The following CECR2 variants were observed in gnomAD, a reference collection of about 807,000 sequenced individuals.
CECR2 encodes CECR2 histone acetyl-lysine reader.
Under a neutral mutation model 154.5 loss-of-function variants are expected in CECR2, and 30 were observed. The observed-to-expected ratio is 0.19, with a 90% CI of 0.15 to 0.26. The LOEUF is 0.26. Among genes scored for constraint, CECR2 ranks in the 10% least tolerant of loss-of-function variants. The pLI is 1.00. For missense variants in CECR2, 1,743 were observed against 1,829.3 expected, an observed-to-expected ratio of 0.95 and a Z score of 0.86; for synonymous variants, 725 against 683.7, an observed-to-expected ratio of 1.06 and a Z score of -0.94.
At chr22:17,502,405 A>G (rs2055755222) in intron 5 of CECR2, among the ~76,000 whole-genome samples, 1 of 152,216 alleles carries the variant, frequency 6.6e-6, no homozygotes, top group Non-Finnish European at 1.5e-5. Flanking sequence ...GCATTTAATT[A>G]TTAACAGTTG....
intron 15 of CECR2, 64 bp from the exon 16 acceptor site, chr22:17,542,093 A>C (rs1397256079): frequency 4.4e-6 from 7 of 1,575,322 alleles, no homozygotes; most frequent in Non-Finnish European, 6.0e-6. Context: ...CCCATAGAGA[A>C]GCATGGCACA....
At chr22:17,384,808 TCTC>T (rs1436841199) in intron 1 of CECR2, among the ~76,000 whole-genome samples, 1 of 152,140 alleles carries the variant, frequency 6.6e-6, no homozygotes, top group Non-Finnish European at 1.5e-5. Context: ...GGCATTGACT[TCTC>T]CTCTCTAGCT....
chr22:17,417,741 C>T (rs2054177141), intron 1 of CECR2, among the ~76,000 whole-genome samples: 1 of 152,070 alleles, frequency 6.6e-6, no homozygotes, highest in South Asian at 2.1e-4. Context: ...GCCTCAGCCT[C>T]CCTAGTAGCT....
At chr22:17,509,261 G>A (rs938412189) in intron 7 of CECR2, among the ~76,000 whole-genome samples, 3 of 152,014 alleles carry the variant, frequency 2.0e-5, no homozygotes, top group Non-Finnish European at 4.4e-5. Context: ...AAAAGAAAAT[G>A]CAGTGTGTAA....
At chr22:17,398,146 A>C (rs1417286095) in intron 1 of CECR2, among the ~76,000 whole-genome samples, 1 of 151,616 alleles carries the variant, frequency 6.6e-6, no homozygotes. Flanking sequence ...TACATTGATT[A>C]TATTTATGAA....
chr22:17,422,053 G>A (rs2054263310), intron 1 of CECR2, among the ~76,000 whole-genome samples: 1 of 151,884 alleles, frequency 6.6e-6, no homozygotes, highest in African/African-American at 2.4e-5. Context: ...TGGTTTCTGA[G>A]AAGTCAGATA....
In CECR2 at chr22:17,553,809, C is replaced by T. The variant is rs2056744237; in HGVS notation, c.*969C>T. ...GTATTAGAAGATGAATCGTCCTCAT[C>T]ACAGACCTCCCTGTCAGGACTGTGA... On this transcript the variant is annotated 3_prime_UTR_variant, in exon 19 of 19. Transcript: ENST00000262608. 6.6e-6 allele frequency: 1 copy of T among 152,224 alleles called. No homozygotes were observed. The highest frequency in any genetic ancestry group is 1.5e-5 in the Non-Finnish European group (1 of 68,050). The allele number at this position is 152,224 out of a possible 1,614,324, so 9.4% of individuals were successfully genotyped here. A position where few individuals can be genotyped will look rare whatever the true frequency, so the allele number is the denominator to read the frequency against.
chr22:17,371,314 C>G (rs2063058118), intron 1 of CECR2, among the ~76,000 whole-genome samples: 2 of 152,176 alleles, frequency 1.3e-5, no homozygotes, highest in Non-Finnish European at 2.9e-5. Context: ...TTCTTAGTTC[C>G]TTAAGCTGAT....
In CECR2 at chr22:17,505,835, C is replaced by CTT. The variant is rs3994825; in HGVS notation, c.870+842_870+843dup. Among the ~76,000 whole-genome samples, 498 of 84,548 alleles carry CTT rather than the reference C, an allele frequency of 5.9e-3. 28 individuals carry two copies. Among genetic ancestry groups the CTT allele is most frequent in the African/African-American group, 0.017 (363 of 20,940 alleles). 55.5% of individuals were successfully genotyped at this position (84,548 alleles called of 152,430 possible). A position where few individuals can be genotyped will look rare whatever the true frequency, so the allele number is the denominator to read the frequency against. On this transcript the variant is annotated intron_variant, in intron 7 of 18. Transcript: ENST00000262608. Reference sequence around the variant, plus strand: ...TACAGGTGTGAGCCACTGCACCCGGCTTTTTTTTTTTTTTTTTTTTTTTTA... The same window carrying CTT: ...TACAGGTGTGAGCCACTGCACCCGGCTTTTTTTTTTTTTTTTTTTTTTTTTTA...
intron 2 of CECR2, among the ~76,000 whole-genome samples, chr22:17,496,441 A>G (rs182223373): frequency 4.3e-4 from 65 of 152,026 alleles, no homozygotes; most frequent in Non-Finnish European, 7.7e-4. Flanking sequence ...TGGAGCTTGC[A>G]GTGAGCTGAC....
chr22:17,553,126 A>C lies in CECR2; in HGVS notation c.*286A>C. The C allele has an allele frequency of 2.3e-6, 1 of 443,566 alleles. No individual in the cohort carries two copies. Among genetic ancestry groups the C allele is most frequent in the Non-Finnish European group, 3.5e-6 (1 of 284,172 alleles). 27.5% of individuals were successfully genotyped at this position (443,566 alleles called of 1,614,324 possible). ...GTGGAGTTAATGATGACTTTTCCAAATCCTGAGACACTTTTCAGGGAAAAT... is the reference window on the plus strand; with the variant it reads ...GTGGAGTTAATGATGACTTTTCCAACTCCTGAGACACTTTTCAGGGAAAAT... On this transcript the variant is annotated 3_prime_UTR_variant, in exon 19 of 19. Transcript: ENST00000262608.
chr22:17,398,603 A>C (rs1034969804), intron 1 of CECR2, among the ~76,000 whole-genome samples: 7 of 152,184 alleles, frequency 4.6e-5, no homozygotes, highest in African/African-American at 1.7e-4. Flanking sequence ...TGCTTCTGTG[A>C]CACTGGACAA....
In CECR2 at chr22:17,419,704, G is replaced by GCA. The variant is rs2054215307; in HGVS notation, c.126+49795_126+49796insCA. 1.6e-5 allele frequency: 5 copies of GCA among 304,476 alleles called. No individual in the cohort carries two copies. The Admixed American group carries it at 1.9e-4, about 12-fold the overall frequency. 18.9% of individuals were successfully genotyped at this position (304,476 alleles called of 1,614,324 possible). A position where few individuals can be genotyped will look rare whatever the true frequency, so the allele number is the denominator to read the frequency against. ...CCTTCCTAAAAAATAGTGGCGAGCT[G>GCA]GAGCTAGAGAGCTGATGGATAAATT... On this transcript the variant is annotated intron_variant, in intron 1 of 18. Coordinates refer to ENST00000262608, the MANE Select transcript of CECR2 (RefSeq NM_001290047.2).
chr22:17,502,991 T>TA lies in CECR2; in HGVS notation c.651-88dup. 12 of 1,132,896 alleles carry TA rather than the reference T, an allele frequency of 1.1e-5. No homozygotes were observed. The South Asian group carries it at 1.6e-4, about 15-fold the overall frequency. The allele number at this position is 1,132,896 out of a possible 1,614,324, so 70.2% of individuals were successfully genotyped here. A position where few individuals can be genotyped will look rare whatever the true frequency, so the allele number is the denominator to read the frequency against. ...ACACACACATACACTCTCTTTGTGTTAAATTAATGGGTTCTACCATCCTGG... is the reference window on the plus strand; with the variant it reads ...ACACACACATACACTCTCTTTGTGTTAAAATTAATGGGTTCTACCATCCTGG... On this transcript the variant is annotated intron_variant, in intron 5 of 18. Coordinates refer to ENST00000262608, the MANE Select transcript of CECR2 (RefSeq NM_001290047.2).
chr22:17,537,401 C>T (rs919425257), intron 10 of CECR2, among the ~76,000 whole-genome samples, 169 bp downstream of exon 10: 10 of 152,172 alleles, frequency 6.6e-5, no homozygotes, highest in African/African-American at 2.4e-4. Flanking sequence ...GCTACCCTGG[C>T]CTCTGACACT....
intron 12 of CECR2, 58 bp downstream of exon 12, chr22:17,538,789 G>T (rs1417851088): frequency 6.1e-6 from 9 of 1,473,310 alleles, no homozygotes; most frequent in Non-Finnish European, 7.5e-6. Flanking sequence ...CTTGGGTTTT[G>T]TTGTTTGTTT....
chr22:17,416,327 T>C (rs114995961), intron 1 of CECR2, among the ~76,000 whole-genome samples: 2,015 of 152,336 alleles, frequency 0.013, 48 homozygotes, highest in African/African-American at 0.046. Flanking sequence ...AATATATATA[T>C]GTTTAGTTTT....
At chr22:17,378,869 A>G (rs2063152610) in intron 1 of CECR2, among the ~76,000 whole-genome samples, 2 of 152,248 alleles carry the variant, frequency 1.3e-5, no homozygotes, top group South Asian at 4.1e-4. Context: ...GTTTATGGAA[A>G]TTTAAGGAAG....
At chr22:17,378,444 C>T (rs1468691612) in intron 1 of CECR2, among the ~76,000 whole-genome samples, 1 of 151,478 alleles carries the variant, frequency 6.6e-6, no homozygotes, top group Non-Finnish European at 1.5e-5. Flanking sequence ...CTACAGGTGC[C>T]CACCACCACG....
Sources: gnomAD v4.1 joint callset for allele counts (sites outside exome capture counted in the v4.1 genomes callset) on GRCh38, gnomAD v4.1.1 for gene constraint, MANE v1.5 for transcripts, NCBI Gene and HGNC (gene_info 2026-07-23, HGNC 2026-07-21) for gene names.